FRAS1: variants seen among roughly 807,000 people sequenced by gnomAD.
The protein encoded by FRAS1 is extracellular matrix organizing protein FRAS1.
Under a neutral mutation model 435.2 loss-of-function variants are expected in FRAS1, and 290 were observed. The observed-to-expected ratio is 0.67, with a 90% CI of 0.61 to 0.73. The LOEUF is 0.73. Ranked by LOEUF, FRAS1 falls within the 30% of genes least tolerant of loss-of-function variation. The pLI is 0.00. For missense variants in FRAS1, 4,860 were observed against 5,001.5 expected, an observed-to-expected ratio of 0.97 and a Z score of 0.85; for synonymous variants, 1,800 against 1,851.0, an observed-to-expected ratio of 0.97 and a Z score of 0.71.
intron 22 of FRAS1, among the ~76,000 whole-genome samples, chr4:78,365,244 G>T (rs1423096447): frequency 6.6e-6 from 1 of 152,216 alleles, no homozygotes; most frequent in Non-Finnish European, 1.5e-5. Context: ...TGCATCATCT[G>T]TGGAGGTACT....
intron 2 of FRAS1, among the ~76,000 whole-genome samples, chr4:78,200,902 CGT>C (rs1491450219): frequency 5.5e-5 from 5 of 91,058 alleles, no homozygotes; most frequent in South Asian, 1.4e-3. Flanking sequence ...TATATAAATA[CGT>C]ATATATATAT....
rs568651560 is a variant in FRAS1, at chr4:78,277,343, C to T, written c.982-1312C>T. On this transcript the variant is annotated intron_variant, in intron 9 of 73. Transcript: ENST00000512123. ...TGTCCTGCACCCACTGTCCGACAAG[C>T]CCCAGTGAGATATACCCAGTACCTC... 1.7e-4 allele frequency among the ~76,000 whole-genome samples: 26 copies of T among 152,272 alleles called. No individual in the cohort carries two copies. The East Asian group carries it at 4.6e-3, about 27-fold the overall frequency.
intron 2 of FRAS1, among the ~76,000 whole-genome samples, chr4:78,096,976 A>G (rs1259321109): frequency 6.6e-6 from 1 of 152,196 alleles, no homozygotes; most frequent in African/African-American, 2.4e-5. Flanking sequence ...AATTTTCTGA[A>G]CTTTTATGCT....
Position 78,414,323 on chromosome 4 carries a change from C to G in FRAS1, c.4425+1238C>G, listed in dbSNP as rs1358296332. ...TTTGAGTTTGGAGGAAATAATGGGC[C>G]AGGAGCCAGGAAGACAGTGCTGTTT... is the stretch of plus-strand genomic sequence containing the variant. On this transcript the variant is annotated intron_variant, in intron 32 of 73. Coordinates refer to ENST00000512123, the MANE Select transcript of FRAS1 (RefSeq NM_025074.7). Among the ~76,000 whole-genome samples, 3 of 152,164 alleles carry G rather than the reference C, an allele frequency of 2.0e-5. No homozygotes were observed. The East Asian group carries it at 5.8e-4, about 29-fold the overall frequency.
intron 33 of FRAS1, among the ~76,000 whole-genome samples, chr4:78,420,904 A>ATATATATATATATATAT: frequency 1.2e-5 from 1 of 83,844 alleles, no homozygotes; most frequent in South Asian, 2.9e-4. Flanking sequence ...ATATATATAT[A>ATATATATATATATATAT]TATATATATA....
chr4:78,266,916 T>C lies in FRAS1; in HGVS notation c.770T>C (p.Leu257Pro). ...GTCAGGTGTCACAAGCAGGCCTGCC[T>C]GCCCCTGAGATGCGGAAAGGTATTT... ...GEVRCHKQAC[L>P]PLRCGKGQSR... The change falls in exon 8 of 74, where the codon CTG becomes CCG. Residue 257 changes from leucine (L) to proline (P), a missense_variant. Coordinates refer to ENST00000512123, the MANE Select transcript of FRAS1 (RefSeq NM_025074.7). 1 of 1,606,570 alleles carries C rather than the reference T, an allele frequency of 6.2e-7. No individual in the cohort carries two copies.
At chr4:78,086,770 G>A (rs1288613735) in intron 2 of FRAS1, among the ~76,000 whole-genome samples, 5 of 152,048 alleles carry the variant, frequency 3.3e-5, no homozygotes, top group South Asian at 4.1e-4. Flanking sequence ...CTGAAATTGC[G>A]GCAATAATTA....
intron 20 of FRAS1, among the ~76,000 whole-genome samples, chr4:78,338,932 A>T (rs556120704): frequency 5.3e-5 from 8 of 152,340 alleles, no homozygotes; most frequent in African/African-American, 1.9e-4. Flanking sequence ...ATATCCTAAG[A>T]AAACCAAACT....
chr4:78,333,483 T>C, intron 19 of FRAS1, 71 bp downstream of exon 19: 1 of 1,466,288 alleles, frequency 6.8e-7, no homozygotes, highest in South Asian at 1.4e-5. Flanking sequence ...CCAGACACTG[T>C]AATTAGAAAC....
At chr4:78,108,482 C>A (rs373320678) in intron 2 of FRAS1, among the ~76,000 whole-genome samples, 2 of 90,800 alleles carry the variant, frequency 2.2e-5, no homozygotes, top group African/African-American at 1.0e-4. Context: ...AACTGAACAA[C>A]CTGCTCCTGA....
chr4:78,410,502 C>T (rs1302868672), intron 31 of FRAS1, among the ~76,000 whole-genome samples: 2 of 151,902 alleles, frequency 1.3e-5, no homozygotes, highest in African/African-American at 4.8e-5. Context: ...AACATTATTA[C>T]TTACAAAGTG....
In FRAS1 at chr4:78,113,878, G is replaced by T. The variant is rs559236310; in HGVS notation, c.108+47862G>T. On this transcript the variant is annotated intron_variant, in intron 2 of 73. Transcript: ENST00000512123. ...TTGGCTTTTGTTGCCATTGCTTTTG[G>T]TGTATTAGACATGAAGTCCTTGCCC... Among the ~76,000 whole-genome samples the T allele has an allele frequency of 2.0e-5, 3 of 152,282 alleles. No individual in the cohort carries two copies. In the South Asian group the frequency reaches 6.2e-4, roughly 32 times the overall value.
chr4:78,479,691 A>G lies in FRAS1; in HGVS notation c.8416A>G (p.Thr2806Ala), dbSNP rs769532232. ...TGCCTCGACTGTGTCCCTGGGCAAC[A>G]CGGCTTTCACTGTCAGTGAGGACGC... The part of the protein sequence containing the change: ...NDASTVSLGN[T>A]AFTVSEDAGT... The change falls in exon 56 of 74, where the codon ACG (threonine) becomes GCG (alanine). Residue 2806 changes from threonine (T) to alanine (A), a missense_variant. By Grantham distance (58) the Thr-to-Ala change is moderately conservative (BLOSUM62 0). Coordinates refer to ENST00000512123, the MANE Select transcript of FRAS1 (RefSeq NM_025074.7). The G allele has an allele frequency of 2.5e-6, 4 of 1,597,764 alleles. No homozygotes were observed. In the East Asian group the frequency reaches 9.0e-5, roughly 36 times the overall value.
chr4:78,277,678 A>G (rs1418675543), intron 9 of FRAS1, among the ~76,000 whole-genome samples: 1 of 152,166 alleles, frequency 6.6e-6, no homozygotes, highest in Non-Finnish European at 1.5e-5. Context: ...ACATTTTTAC[A>G]GCAAGCATTT....
At chr4:78,128,165 G>C (rs977319969) in intron 2 of FRAS1, among the ~76,000 whole-genome samples, 53 of 152,048 alleles carry the variant, frequency 3.5e-4, no homozygotes, top group Non-Finnish European at 4.9e-4. Flanking sequence ...TTGGACATTT[G>C]GGTTGGTTCC....
intron 20 of FRAS1, among the ~76,000 whole-genome samples, chr4:78,338,560 C>T (rs1348453619): frequency 3.3e-5 from 5 of 152,174 alleles, no homozygotes; most frequent in Admixed American, 6.5e-5. Flanking sequence ...CTGGGAAAAA[C>T]TTGCAGAGCT....
At chr4:78,536,121 A>G (rs1275122844) in intron 71 of FRAS1, among the ~76,000 whole-genome samples, 2 of 151,848 alleles carry the variant, frequency 1.3e-5, no homozygotes, top group Non-Finnish European at 2.9e-5. Context: ...GCTTGGTGCC[A>G]TAGCCGACAC....
Position 78,432,407 on chromosome 4 carries a change from C to A in FRAS1, c.5020C>A (p.His1674Asn), listed in dbSNP as rs1274508506. 1 of 1,610,686 alleles carries A rather than the reference C, an allele frequency of 6.2e-7. No individual in the cohort carries two copies. The highest frequency in any genetic ancestry group is 2.2e-5 in the East Asian group (1 of 44,842). Residue 1674 changes from histidine (H) to asparagine (N), a missense_variant, in exon 38 of 74, where the codon CAT becomes AAT. His to Asn is a moderately conservative substitution (Grantham distance 68). Transcript: ENST00000512123. ...DVEKNALQYI[H>N]DGSSTREDSM... ...TGAGAAAAATGCTCTACAGTATATA[C>A]ATGATGGTTCCTCTACCCGGGAAGA... is the stretch of plus-strand genomic sequence containing the variant.
chr4:78,194,909 A>G (rs1284768985), intron 2 of FRAS1, among the ~76,000 whole-genome samples: 1 of 151,588 alleles, frequency 6.6e-6, no homozygotes, highest in Non-Finnish European at 1.5e-5. Flanking sequence ...GGTTTTATCT[A>G]CCTTTGGTCT....
Sources: gnomAD v4.1 joint callset for allele counts (sites outside exome capture counted in the v4.1 genomes callset) on GRCh38, gnomAD v4.1.1 for gene constraint, MANE v1.5 for transcripts, NCBI Gene and HGNC (gene_info 2026-07-23, HGNC 2026-07-21) for gene names.